NPR3: variants seen among roughly 807,000 people sequenced by gnomAD.
NPR3 encodes atrial natriuretic peptide receptor 3.
NPR3 carries 34 observed loss-of-function variants against 54.5 expected under a neutral mutation model. The ratio of observed to expected loss-of-function variants is 0.62; its 90% CI spans 0.47 to 0.83. The LOEUF (loss-of-function observed/expected upper bound fraction) is 0.83, where lower values mean the gene tolerates loss of function less well. NPR3 is among the 40% of genes least tolerant of loss of function. The pLI, the probability that NPR3 is intolerant of heterozygous loss-of-function variation, is 0.00. For synonymous variants in NPR3, 289 were observed against 297.1 expected (o/e 0.97, Z 0.28); for missense variants, 674 against 720.8 (o/e 0.94, Z 0.74).
At chr5:32,709,412 T>TC (rs1393094972), upstream of NPR3, 2 of 140,358 alleles carry the variant, frequency 1.4e-5, no homozygotes, top group Admixed American at 7.0e-5. Flanking sequence ...TCTTTTTCTT[T>TC]TTTTTTTTTT....
intron 2 of NPR3, among the ~76,000 whole-genome samples, chr5:32,737,535 A>G (rs1739813712): frequency 6.6e-6 from 1 of 152,150 alleles, no homozygotes; most frequent in South Asian, 2.1e-4. Flanking sequence ...TCTACCAAGG[A>G]TGAGGGGGCT....
chr5:32,775,604 T>TC, intron 4 of NPR3, among the ~76,000 whole-genome samples: 1 of 152,096 alleles, frequency 6.6e-6, no homozygotes, highest in East Asian at 1.9e-4. Flanking sequence ...GTTTTTGCTT[T>TC]CTTTTTTTTT....
chr5:32,709,383 G>A (rs920073170), upstream of NPR3: 2 of 150,342 alleles, frequency 1.3e-5, no homozygotes, highest in East Asian at 1.9e-4. Context: ...TCATGATTTA[G>A]TTCTTGTTTT....
At chr5:32,780,594 G>A in intron 4 of NPR3, 128 bp from the exon 5 acceptor site, 1 of 723,018 alleles carries the variant, frequency 1.4e-6, no homozygotes, top group Non-Finnish European at 2.5e-6. Context: ...AAAATGCTCA[G>A]AGTCTGATGA....
chr5:32,784,641 C>CA (rs1742511212), intron 6 of NPR3, among the ~76,000 whole-genome samples, 155 bp from the exon 7 acceptor site: 1 of 152,048 alleles, frequency 6.6e-6, no homozygotes, highest in Admixed American at 6.6e-5. Context: ...AAACATAAAA[C>CA]AAAAAACAAG....
At chr5:32,696,346 C>T (rs1405743495) in intron 1 of NPR3, among the ~76,000 whole-genome samples, 1 of 151,954 alleles carries the variant, frequency 6.6e-6, no homozygotes, top group African/African-American at 2.4e-5. Context: ...TATTCTGTTA[C>T]ATTGGTCTCT....
intron 2 of NPR3, among the ~76,000 whole-genome samples, chr5:32,734,624 G>C (rs1739632303): frequency 6.6e-6 from 1 of 152,136 alleles, no homozygotes; most frequent in Non-Finnish European, 1.5e-5. Context: ...AAATCCATTA[G>C]CCTTACCTAA....
chr5:32,775,605 C>CT lies in NPR3; in HGVS notation c.1195+771dup, dbSNP rs1366514170. On this transcript the variant is annotated intron_variant, in intron 4 of 7. Transcript: ENST00000265074. ...AATAGTGACTGTTAGTTTTTGCTTT[C>CT]TTTTTTTTTGAGATGGAGTCTCGCT... 2.7e-4 allele frequency among the ~76,000 whole-genome samples: 40 copies of CT among 150,060 alleles called. No homozygotes were observed. The East Asian group carries it at 6.7e-3, about 25-fold the overall frequency.
rs571828772 is a variant in NPR3, at chr5:32,780,803, C to T, written c.1277C>T (p.Ala426Val). 1.9e-5 allele frequency: 29 copies of T among 1,565,930 alleles called. No individual in the cohort carries two copies. Among genetic ancestry groups the T allele is most frequent in the African/African-American group, 2.7e-5 (2 of 73,922 alleles). Residue 426 changes from alanine to valine, a missense_variant, in exon 5 of 8, where the codon GCG (alanine) becomes GTG (valine). Physicochemically the swap from Ala to Val is moderately conservative, Grantham distance 64. Coordinates refer to ENST00000265074, the MANE Select transcript of NPR3 (RefSeq NM_001204375.2). ...FSVIAMTDVEAGTQEVIGDYF... is the reference protein window; with the variant it reads ...FSVIAMTDVEVGTQEVIGDYF... ...GTGATTGCCATGACTGATGTGGAGG[C>T]GGGCACCCAGGAGGTGAGCACGTGA...
intron 3 of NPR3, among the ~76,000 whole-genome samples, chr5:32,765,981 G>C (rs1410491559): frequency 6.6e-6 from 1 of 152,218 alleles, no homozygotes. Flanking sequence ...GCCTGTGGCA[G>C]TAGGGGTTGC....
intron 3 of NPR3, among the ~76,000 whole-genome samples, chr5:32,752,197 T>TCCTCCA (rs1188410387): frequency 1.3e-5 from 2 of 150,576 alleles, no homozygotes; most frequent in Non-Finnish European, 1.5e-5. Flanking sequence ...AGAGCGAGAC[T>TCCTCCA]CCTCCACCTC....
At chr5:32,774,639 A>G (rs1033874207) in intron 3 of NPR3, 69 bp from the exon 4 acceptor site, 4 of 1,206,992 alleles carry the variant, frequency 3.3e-6, no homozygotes, top group Non-Finnish European at 4.9e-6. Flanking sequence ...AACGCTTTGG[A>G]TTGCTCATCT....
intron 1 of NPR3, chr5:32,716,238 G>GAT: frequency 3.4e-6 from 1 of 293,918 alleles, no homozygotes; most frequent in Non-Finnish European, 6.6e-6. Context: ...TACAGCTATA[G>GAT]AAAGTGAGAA....
intron 3 of NPR3, among the ~76,000 whole-genome samples, 199 bp downstream of exon 3, chr5:32,739,229 G>C (rs1372417813): frequency 6.7e-6 from 1 of 149,994 alleles, no homozygotes; most frequent in East Asian, 1.9e-4. Context: ...TCCCTCCTCA[G>C]TATACCCACT....
chr5:32,726,778 A>G (rs1739157597), intron 2 of NPR3, among the ~76,000 whole-genome samples: 1 of 152,226 alleles, frequency 6.6e-6, no homozygotes, highest in Admixed American at 6.5e-5. Context: ...AGGAAAGAAA[A>G]CAAGTTACCA....
At chr5:32,693,092 A>G (rs1234989471) in intron 1 of NPR3, among the ~76,000 whole-genome samples, 1 of 151,966 alleles carries the variant, frequency 6.6e-6, no homozygotes, top group African/African-American at 2.4e-5. Context: ...ACTGCACTCC[A>G]TCCTGGGAAC....
At chr5:32,739,178 TGTG>T in intron 3 of NPR3, 148 bp downstream of exon 3, 6 of 690,788 alleles carry the variant, frequency 8.7e-6, no homozygotes, top group Non-Finnish European at 1.1e-5. Context: ...TGTGTGTGTG[TGTG>T]TGTTTTTTTT....
At chr5:32,770,814 G>A (rs1281925351) in intron 3 of NPR3, among the ~76,000 whole-genome samples, 1 of 152,204 alleles carries the variant, frequency 6.6e-6, no homozygotes, top group Non-Finnish European at 1.5e-5. Flanking sequence ...AGTAAGGAAA[G>A]CTTCCTGGCA....
chr5:32,702,193 T>A (rs1199649283), intron 1 of NPR3, among the ~76,000 whole-genome samples: 3 of 152,202 alleles, frequency 2.0e-5, no homozygotes, highest in African/African-American at 7.2e-5. Context: ...AACCTTAGGA[T>A]CTACCTGGCG....
Sources: allele counts gnomAD v4.1 joint callset (sites outside exome capture counted in the v4.1 genomes callset), GRCh38; gene constraint gnomAD v4.1.1; transcripts MANE v1.5; gene names NCBI Gene and HGNC (gene_info 2026-07-23, HGNC 2026-07-21).